The following DUS3L variants were observed in gnomAD, a reference collection of about 807,000 sequenced individuals.
The protein encoded by DUS3L is tRNA-dihydrouridine(47) synthase [NAD(P)(+)]-like.
Under a neutral mutation model 74.6 loss-of-function variants are expected in DUS3L, and 62 were observed. The observed-to-expected ratio is 0.83, with a 90% CI of 0.68 to 1.03. The LOEUF (loss-of-function observed/expected upper bound fraction) is 1.03. DUS3L is among the 50% of genes least tolerant of loss of function. The pLI is 0.00. For missense variants in DUS3L, 884 were observed against 924.4 expected (o/e 0.96, Z 0.57); for synonymous variants, 433 against 395.7 (o/e 1.09, Z -1.12).
intron 6 of DUS3L, 98 bp downstream of exon 6, chr19:5,787,491 T>C: frequency 3.9e-6 from 6 of 1,522,484 alleles, no homozygotes; most frequent in Non-Finnish European, 5.4e-6. Flanking sequence ...GGGCCACACT[T>C]GAGCCCAAAC....
Position 5,791,028 on chromosome 19 carries a change from T to A in DUS3L, c.98+16A>T, listed in dbSNP as rs2056905294. 1 of 1,584,932 alleles carries A rather than the reference T, an allele frequency of 6.3e-7. No homozygotes were observed. The highest frequency in any genetic ancestry group is 1.8e-5 in the Admixed American group (1 of 54,900). ...GGAAAAGGCCCTTCAGCTTCCCTCC[T>A]GCCCCGGCGACTCACTGACGCTTAA... is the stretch of plus-strand genomic sequence containing the variant. On this transcript the variant is annotated intron_variant, in intron 1 of 12. Coordinates refer to ENST00000309061, the MANE Select transcript of DUS3L (RefSeq NM_020175.3).
At position 5,790,274 on chromosome 19, in the gene DUS3L, A is replaced by C. The variant is rs1262690503; in HGVS notation, c.160T>G (p.Cys54Gly). 1 of 1,614,058 alleles carries C rather than the reference A, an allele frequency of 6.2e-7. No individual in the cohort carries two copies. Among genetic ancestry groups the C allele is most frequent in the Non-Finnish European group, 8.5e-7 (1 of 1,180,004 alleles). ...GGGTCTCCTACCTCGGTTTCCCGGC[A>C]AGTCTTCTCCTGCCCTTTGGCTTCC... Reference protein sequence around the residue: ...FLEAKGQEKTCRETEVGDPAG... With the variant: ...FLEAKGQEKTGRETEVGDPAG... The change falls in exon 2 of 13, where the codon TGC becomes GGC. Residue 54 changes from cysteine to glycine, a missense_variant. By Grantham distance (159) the Cys-to-Gly change is radical. Coordinates refer to ENST00000309061, the MANE Select transcript of DUS3L (RefSeq NM_020175.3).
Position 5,785,709 on chromosome 19 carries a change from T to C in DUS3L, c.1645A>G (p.Ile549Val), listed in dbSNP as rs770041321. ...WDISSSERLD[I>V]LRDFTNYGLE... ...CCGTAGTTGGTGAAGTCCCGCAGGA[T>C]GTCCAGGCGCTCGGACGACGAGATG... The change falls in exon 11 of 13, where the codon ATC (isoleucine) becomes GTC (valine). Residue 549 changes from isoleucine (I) to valine (V), a missense_variant. By Grantham distance (29) the Ile-to-Val change is conservative (BLOSUM62 3). Coordinates refer to ENST00000309061, the MANE Select transcript of DUS3L (RefSeq NM_020175.3). The C allele has an allele frequency of 2.5e-6, 4 of 1,612,314 alleles. No homozygotes were observed. Among genetic ancestry groups the C allele is most frequent in the African/African-American group, 2.7e-5 (2 of 74,930 alleles).
At chr19:5,790,873 C>A (rs1358313116) in intron 1 of DUS3L, 171 bp downstream of exon 1, 2 of 654,990 alleles carry the variant, frequency 3.1e-6, no homozygotes, top group Non-Finnish European at 5.3e-6. Flanking sequence ...CCAACGTGCA[C>A]GATCTCAGGT....
Position 5,787,094 on chromosome 19 carries a change from G to T in DUS3L, c.1356C>A (p.Pro452=). 8.0e-7 allele frequency: 1 copy of T among 1,249,916 alleles called. No homozygotes were observed. Among genetic ancestry groups the T allele is most frequent in the East Asian group, 4.6e-5 (1 of 21,624 alleles). The allele number at this position is 1,249,916 out of a possible 1,614,324, so 77.4% of individuals were successfully genotyped here. A position where few individuals can be genotyped will look rare whatever the true frequency, so the allele number is the denominator to read the frequency against. The part of the protein sequence containing the change: ...ERVNLAHRLL[P]ELRDWGVALV... ...GTGCCACGCCCCAGTCCCGCAGCTC[G>T]GGCAGCAGGCGGTGCGCCAGGTTCA... The change falls in exon 8 of 13, where the codon CCC becomes CCA. Residue 452 remains proline (P), a synonymous_variant. Coordinates refer to ENST00000309061, the MANE Select transcript of DUS3L (RefSeq NM_020175.3).
chr19:5,785,277 T>G lies in DUS3L; in HGVS notation c.1881-2A>C. The G allele has an allele frequency of 1.2e-6, 2 of 1,611,176 alleles. No homozygotes were observed. Among genetic ancestry groups the G allele is most frequent in the Non-Finnish European group, 1.7e-6 (2 of 1,179,378 alleles). Reference sequence around the variant, plus strand: ...GGCACTGGCCCAAGGAGCATCTCGCTGTGGGAGAGCAGGTGGAAAGCGAGG... The same window carrying G: ...GGCACTGGCCCAAGGAGCATCTCGCGGTGGGAGAGCAGGTGGAAAGCGAGG... On this transcript the variant is annotated splice_acceptor_variant, in intron 12 of 12. Transcript: ENST00000309061. LOFTEE classifies it high-confidence loss of function.
At chr19:5,785,867 G>A (rs1278420010) in intron 10 of DUS3L, 76 bp from the exon 11 acceptor site, 7 of 1,438,450 alleles carry the variant, frequency 4.9e-6, no homozygotes, top group Non-Finnish European at 6.4e-6. Context: ...TCCATGGCCT[G>A]GCCTGAGCCG....
At position 5,785,732 on chromosome 19, in the gene DUS3L, A is replaced by G; in HGVS notation, c.1622T>C (p.Ile541Thr). 1 of 1,611,548 alleles carries G rather than the reference A, an allele frequency of 6.2e-7. No homozygotes were observed. Among genetic ancestry groups the G allele is most frequent in the South Asian group, 1.1e-5 (1 of 90,886 alleles). The change falls in exon 11 of 13, where the codon ATC becomes ACC. Residue 541 changes from isoleucine to threonine, a missense_variant. Physicochemically the swap from Ile to Thr is moderately conservative, Grantham distance 89 (BLOSUM62 -1). Transcript: ENST00000309061. ...GATGTCCAGGCGCTCGGACGACGAG[A>G]TGTCCCAGTGCCGCTGCTCCTTGAT... is the stretch of plus-strand genomic sequence containing the variant. ...TEIKEQRHWDISSSERLDILR... is the reference protein window; with the variant it reads ...TEIKEQRHWDTSSSERLDILR...
In DUS3L at chr19:5,789,344, G is replaced by A. The variant is rs577842991; in HGVS notation, c.763C>T (p.Pro255Ser). The change falls in exon 3 of 13, where the codon CCC becomes TCC. Residue 255 changes from proline (P) to serine (S), a missense_variant. Physicochemically the swap from Pro to Ser is moderately conservative, Grantham distance 74. Transcript: ENST00000309061. ...TGGGCACCACAGTTTTCCTGCCTGG[G>A]AGCGCCCTCGGCTGCCGTGCCCTCG... ...VPEGTAAEGA[P>S]RQENCGAQQV... 17 of 1,601,982 alleles carry A rather than the reference G, an allele frequency of 1.1e-5. 2 individuals carry two copies. In the South Asian group the frequency reaches 1.9e-4, roughly 18 times the overall value.
Position 5,789,608 on chromosome 19 carries a change from T to C in DUS3L, c.499A>G (p.Thr167Ala). 1 of 1,593,162 alleles carries C rather than the reference T, an allele frequency of 6.3e-7. No homozygotes were observed. The highest frequency in any genetic ancestry group is 8.5e-7 in the Non-Finnish European group (1 of 1,172,038). ...ACGCCGTAGGGGCACCGGCCGAAGG[T>C]CTCGAAGAGCACGCAGCGGGGGCCC... ...DLGPRCVLFE[T>A]FGRCPYGVTC... The change falls in exon 3 of 13, where the codon ACC becomes GCC. Residue 167 changes from threonine (T) to alanine (A), a missense_variant. By Grantham distance (58) the Thr-to-Ala change is moderately conservative. Coordinates refer to ENST00000309061, the MANE Select transcript of DUS3L (RefSeq NM_020175.3).
chr19:5,787,750 G>A lies in DUS3L; in HGVS notation c.1096-45C>T, dbSNP rs1298626474. ...GAACAGGAGGGTGAGGGGAGAGTCC[G>A]AACTGTCCCCACTTGGCCGTTCCCT... is the stretch of plus-strand genomic sequence containing the variant. On this transcript the variant is annotated intron_variant, in intron 5 of 12. Transcript: ENST00000309061. The A allele has an allele frequency of 3.8e-6, 6 of 1,594,702 alleles. No homozygotes were observed. The African/African-American group carries it at 4.0e-5, about 11-fold the overall frequency.
intron 5 of DUS3L, 97 bp downstream of exon 5, chr19:5,787,927 G>T: frequency 6.5e-7 from 1 of 1,545,646 alleles, no homozygotes; most frequent in Non-Finnish European, 8.7e-7. Flanking sequence ...CTGAGGCCAG[G>T]GGGTCAGGGA....
rs972491218 is a variant in DUS3L at position 5,789,390 on chromosome 19, G to A, written c.717C>T (p.Pro239=). 3.8e-6 allele frequency: 6 copies of A among 1,592,322 alleles called. No homozygotes were observed. The African/African-American group carries it at 4.0e-5, about 11-fold the overall frequency. The part of the protein sequence containing the change: ...EQALRRFSQG[P]TPAAAVPEGT... ...CCTCGGGGACAGCGGCAGCGGGTGT[G>A]GGGCCCTGGCTGAACCGGCGCAGGG... is the stretch of plus-strand genomic sequence containing the variant. Residue 239 remains proline (P), a synonymous_variant, in exon 3 of 13, where the codon CCC becomes CCT. Transcript: ENST00000309061.
intron 7 of DUS3L, 38 bp downstream of exon 7, chr19:5,787,258 T>C: frequency 9.5e-5 from 14 of 147,476 alleles, no homozygotes; most frequent in Non-Finnish European, 1.7e-4. Flanking sequence ...CCCGGGGGAG[T>C]TGTTTGGGAG....
At position 5,789,981 on chromosome 19, in the gene DUS3L, C is replaced by T. The variant is rs537394171; in HGVS notation, c.387+66G>A. On this transcript the variant is annotated intron_variant, in intron 2 of 12. Transcript: ENST00000309061. ...GGCCCAGGAGCTTTCTAACAATTAC[C>T]CGCTGCCAGGAAACACACCCTGCTC... The T allele has an allele frequency of 3.3e-5, 53 of 1,589,920 alleles. 1 individual carries two copies. In the South Asian group the frequency reaches 3.6e-4, roughly 11 times the overall value.
chr19:5,786,674 G>A (rs2056845440), intron 9 of DUS3L, 75 bp downstream of exon 9: 2 of 1,577,160 alleles, frequency 1.3e-6, no homozygotes, highest in Non-Finnish European at 8.6e-7. Context: ...GTCCCAAGTG[G>A]GAAGGCGAAC....
rs2056904712 is a variant in DUS3L at position 5,790,978 on chromosome 19, C to G, written c.98+66G>C. 8 of 1,471,118 alleles carry G rather than the reference C, an allele frequency of 5.4e-6. No homozygotes were observed. In the Admixed American group the frequency reaches 9.9e-5, roughly 18 times the overall value. 91.1% of individuals were successfully genotyped at this position (1,471,118 alleles called of 1,614,324 possible). A position where few individuals can be genotyped will look rare whatever the true frequency, so the allele number is the denominator to read the frequency against. ...CCGCTGCCTAATCTCCCGGCATGCA[C>G]AGCTCGGACCGCGCTATGGGTGCCG... On this transcript the variant is annotated intron_variant, in intron 1 of 12. Coordinates refer to ENST00000309061, the MANE Select transcript of DUS3L (RefSeq NM_020175.3).
chr19:5,791,066 C>T lies in DUS3L; in HGVS notation c.76G>A (p.Gly26Arg). The change falls in exon 1 of 13, where the codon GGA (glycine) becomes AGA (arginine). Residue 26 changes from glycine (G) to arginine (R), a missense_variant. Physicochemically the swap from Gly to Arg is moderately radical, Grantham distance 125. Transcript: ENST00000309061. ...CACTGACGCTTAATGGGCGCCACTC[C>T]TCGTTCCAAAGCTCCGGCTCCCGAG... ...GDSGAGALER[G>R]VAPIKRQYLT... 1 of 1,605,972 alleles carries T rather than the reference C, an allele frequency of 6.2e-7. No individual in the cohort carries two copies. The highest frequency in any genetic ancestry group is 8.5e-7 in the Non-Finnish European group (1 of 1,176,774).
rs73550307 is a variant in DUS3L at position 5,787,584 on chromosome 19, G to A, written c.1212+5C>T. On this transcript the variant is annotated splice_donor_5th_base_variant and intron_variant, in intron 6 of 12. Coordinates refer to ENST00000309061, the MANE Select transcript of DUS3L (RefSeq NM_020175.3). The stretch of plus-strand genomic sequence containing the variant: ...GAAACCGAGGCACACGTCCAGGGCC[G>A]CTACCTTCTTGTACACGAGGTCGAT... 6,181 of 1,612,484 alleles carry A rather than the reference G, an allele frequency of 3.8e-3. 183 individuals carry two copies. In the African/African-American group the frequency reaches 0.07, roughly 18 times the overall value.
Sources: gnomAD v4.1 joint callset for allele counts on GRCh38, gnomAD v4.1.1 for gene constraint, MANE v1.5 for transcripts, NCBI Gene and HGNC (gene_info 2026-07-23, HGNC 2026-07-21) for gene names.